LINC00305: variants seen among roughly 807,000 people sequenced by gnomAD.
LINC00305 encodes long intergenic non-protein coding RNA 305.
intron 1 of LINC00305, among the ~76,000 whole-genome samples, chr18:64,110,479 A>T (rs1481918959): frequency 6.6e-6 from 1 of 152,198 alleles, no homozygotes; most frequent in Non-Finnish European, 1.5e-5. Context: ...CTAGACTGAC[A>T]GTACTATAGA....
At chr18:64,101,542 C>T (rs549989506) in intron 1 of LINC00305, among the ~76,000 whole-genome samples, 3 of 152,298 alleles carry the variant, frequency 2.0e-5, no homozygotes, top group South Asian at 4.1e-4. Context: ...TGTCTTCCCT[C>T]TATGTATGTG....
At chr18:64,134,491 A>G (rs1194779233) in intron 1 of LINC00305, among the ~76,000 whole-genome samples, 1 of 152,204 alleles carries the variant, frequency 6.6e-6, no homozygotes, top group Non-Finnish European at 1.5e-5. Context: ...CAAGCTCAGC[A>G]TGAGGTCTGA....
At chr18:64,116,667 G>T (rs563782345) in intron 1 of LINC00305, among the ~76,000 whole-genome samples, 2 of 152,124 alleles carry the variant, frequency 1.3e-5, no homozygotes, top group Admixed American at 6.5e-5. Flanking sequence ...TGCAGACATT[G>T]TGAGAGGATT....
At chr18:64,093,372 G>C (rs1019836855) in intron 3 of LINC00305, among the ~76,000 whole-genome samples, 1 of 152,012 alleles carries the variant, frequency 6.6e-6, no homozygotes, top group African/African-American at 2.4e-5. Context: ...GTCTCGCTCT[G>C]TCACCAGGCT....
At chr18:64,098,215 A>G (rs2051253906) in intron 2 of LINC00305, among the ~76,000 whole-genome samples, 1 of 152,218 alleles carries the variant, frequency 6.6e-6, no homozygotes, top group Non-Finnish European at 1.5e-5. Context: ...CTAGTATTTC[A>G]GTTCCTAGTG....
In LINC00305 at chr18:64,105,583, C is replaced by T. The variant is rs369054552; in HGVS notation, n.315-6943G>A. 3.9e-5 allele frequency among the ~76,000 whole-genome samples: 6 copies of T among 152,068 alleles called. No homozygotes were observed. In the East Asian group the frequency reaches 5.8e-4, roughly 15 times the overall value. On this transcript the variant is annotated intron_variant and non_coding_transcript_variant, in intron 1 of 3. Transcript: ENST00000666468. ...GGTGGTGTGTATGTGTGTACGTGCA[C>T]GTGTGTGTACGTGTGTGTAGAGTAC...
intron 1 of LINC00305, among the ~76,000 whole-genome samples, chr18:64,102,834 A>G (rs772140990): frequency 1.5e-4 from 23 of 152,212 alleles, no homozygotes; most frequent in Non-Finnish European, 3.1e-4. Context: ...ATACAGTATC[A>G]AGGAAGGACG....
intron 1 of LINC00305, among the ~76,000 whole-genome samples, chr18:64,135,389 TTTG>T (rs1460851966): frequency 6.6e-6 from 1 of 152,094 alleles, no homozygotes. Context: ...GCTTGAACAT[TTTG>T]TTAAGGCTAT....
At chr18:64,093,465 G>A (rs2051232663) in intron 3 of LINC00305, among the ~76,000 whole-genome samples, 1 of 152,204 alleles carries the variant, frequency 6.6e-6, no homozygotes, top group Admixed American at 6.5e-5. Flanking sequence ...CTCCCCAGTA[G>A]CTGGCATTAC....
intron 1 of LINC00305, among the ~76,000 whole-genome samples, chr18:64,134,016 A>G (rs1468311925): frequency 2.6e-5 from 4 of 152,204 alleles, no homozygotes; most frequent in Non-Finnish European, 4.4e-5. Flanking sequence ...TAAATATTTG[A>G]GAAATATAGT....
At chr18:64,142,671 C>A (rs1379766012) in intron 1 of LINC00305, among the ~76,000 whole-genome samples, 1 of 152,072 alleles carries the variant, frequency 6.6e-6, no homozygotes, top group African/African-American at 2.4e-5. Flanking sequence ...ACACCATGGC[C>A]ACCCGCGCCC....
chr18:64,118,328 G>A (rs753075060), intron 1 of LINC00305, among the ~76,000 whole-genome samples: 1 of 152,096 alleles, frequency 6.6e-6, no homozygotes, highest in Non-Finnish European at 1.5e-5. Flanking sequence ...TACAGTCTAC[G>A]AAGGCAACCA....
intron 3 of LINC00305, among the ~76,000 whole-genome samples, chr18:64,090,275 C>G (rs1161657343): frequency 1.3e-5 from 2 of 152,164 alleles, no homozygotes; most frequent in Non-Finnish European, 2.9e-5. Flanking sequence ...TTGCCAAGCA[C>G]AGAATAAAAT....
At chr18:64,096,574 C>T (rs1046930971) in intron 3 of LINC00305, among the ~76,000 whole-genome samples, 1 of 151,580 alleles carries the variant, frequency 6.6e-6, no homozygotes, top group Non-Finnish European at 1.5e-5. Context: ...AAATGTCGAG[C>T]GTTAACTATC....
At chr18:64,119,151 T>A (rs1252670327) in intron 1 of LINC00305, among the ~76,000 whole-genome samples, 2 of 152,098 alleles carry the variant, frequency 1.3e-5, no homozygotes, top group Non-Finnish European at 2.9e-5. Flanking sequence ...ACAATACATG[T>A]GACTCCAGTA....
chr18:64,091,555 A>G (rs2051224991), intron 3 of LINC00305, among the ~76,000 whole-genome samples: 1 of 152,196 alleles, frequency 6.6e-6, no homozygotes, highest in South Asian at 2.1e-4. Context: ...CCAGGGAGTT[A>G]TTATTATCCT....
chr18:64,105,732 A>C (rs2051287685), intron 1 of LINC00305, among the ~76,000 whole-genome samples: 1 of 152,148 alleles, frequency 6.6e-6, no homozygotes, highest in African/African-American at 2.4e-5. Flanking sequence ...CGGTTGCTCA[A>C]TTCATTTTCT....
At chr18:64,136,409 C>A (rs1033666389) in intron 1 of LINC00305, among the ~76,000 whole-genome samples, 1 of 152,132 alleles carries the variant, frequency 6.6e-6, no homozygotes, top group Non-Finnish European at 1.5e-5. Context: ...ATAATCATGG[C>A]AGAAGGCACC....
At chr18:64,130,151 G>A (rs1027613444) in intron 1 of LINC00305, among the ~76,000 whole-genome samples, 2 of 152,010 alleles carry the variant, frequency 1.3e-5, no homozygotes, top group Non-Finnish European at 2.9e-5. Flanking sequence ...TGGATGATAA[G>A]CCAAAATAAA....
Sources: allele counts gnomAD v4.1 joint callset (sites outside exome capture counted in the v4.1 genomes callset), GRCh38; gene constraint gnomAD v4.1.1; transcripts MANE v1.5; gene names NCBI Gene and HGNC (gene_info 2026-07-23, HGNC 2026-07-21).